Variants in ASAH2 observed in about 807,000 individuals in gnomAD.
ASAH2 encodes N-acylsphingosine amidohydrolase 2.
A neutral mutation model predicts 82.9 loss-of-function variants in ASAH2; 58 were observed. The ratio of observed to expected loss-of-function variants is 0.70; its 90% CI spans 0.57 to 0.87. The LOEUF (loss-of-function observed/expected upper bound fraction) is 0.87. ASAH2 is among the 40% of genes least tolerant of loss of function. The pLI, the probability that ASAH2 is intolerant of heterozygous loss-of-function variation, is 0.00. For missense variants in ASAH2, 779 were observed against 834.0 expected (o/e 0.93, Z 0.81); for synonymous variants, 276 against 289.7 (o/e 0.95, Z 0.48).
chr10:50,238,354 A>T (rs1846209878), intron 4 of ASAH2, among the ~76,000 whole-genome samples: 2 of 152,224 alleles, frequency 1.3e-5, no homozygotes, highest in South Asian at 4.2e-4. Flanking sequence ...TGCCTCATTA[A>T]CCTCTCCTTG....
At chr10:50,227,949 T>C (rs949466441) in intron 7 of ASAH2, among the ~76,000 whole-genome samples, 1 of 151,798 alleles carries the variant, frequency 6.6e-6, no homozygotes, top group Non-Finnish European at 1.5e-5. Context: ...AAACAGAAAG[T>C]AAAGTTAGAG....
At chr10:50,195,014 G>C (rs1589318747) in intron 18 of ASAH2, among the ~76,000 whole-genome samples, 1 of 148,856 alleles carries the variant, frequency 6.7e-6, no homozygotes, top group African/African-American at 2.5e-5. Context: ...GACCCCTAAT[G>C]CAAAAGCAAC....
chr10:50,216,902 G>A (rs1314976258), intron 8 of ASAH2, among the ~76,000 whole-genome samples: 1 of 152,218 alleles, frequency 6.6e-6, no homozygotes, highest in Non-Finnish European at 1.5e-5. Flanking sequence ...GCAGGCTAAA[G>A]TGAGAAAATA....
intron 9 of ASAH2, among the ~76,000 whole-genome samples, chr10:50,213,576 CA>C (rs1302743156): frequency 6.6e-6 from 1 of 151,976 alleles, no homozygotes; most frequent in Non-Finnish European, 1.5e-5. Flanking sequence ...TAAGTGGAAT[CA>C]AAAAATTACT....
rs891831347 is a variant in ASAH2, at chr10:50,245,376, G to T, written c.206C>A (p.Ala69Asp). The T allele has an allele frequency of 3.1e-6, 5 of 1,613,762 alleles. No individual in the cohort carries two copies. The African/African-American group carries it at 6.7e-5, about 22-fold the overall frequency. Residue 69 changes from alanine to aspartate, a missense_variant, in exon 3 of 21, where the codon GCC becomes GAC. Ala to Asp is a moderately radical substitution (Grantham distance 126). Around this residue, in one of 3 missense-constraint regions of ASAH2, gnomAD observed 759 missense variants for 755.2 expected, o/e 1.00. Coordinates refer to ENST00000682911, the MANE Select transcript of ASAH2 (RefSeq NM_019893.4). ...CTGGGTGGCTGTGGAATGCTGGGTGGCTGTGGAGCGTTGGGCAGCTGTGGA... is the reference window on the plus strand; with the variant it reads ...CTGGGTGGCTGTGGAATGCTGGGTGTCTGTGGAGCGTTGGGCAGCTGTGGA... ...QGSTAAQRST[A>D]TQHSTATQSS...
rs547512295 is a variant in ASAH2, at chr10:50,242,717, A to G, written c.510+485T>C. On this transcript the variant is annotated intron_variant, in intron 4 of 20. Coordinates refer to ENST00000682911, the MANE Select transcript of ASAH2 (RefSeq NM_019893.4). ...GTACAAAAATAATCAGAATGCTATA[A>G]TGAATCCCTATGTGCCTATTACCCA... Among the ~76,000 whole-genome samples, 4 of 152,296 alleles carry G rather than the reference A, an allele frequency of 2.6e-5. No homozygotes were observed. In the East Asian group the frequency reaches 5.8e-4, roughly 22 times the overall value.
intron 18 of ASAH2, among the ~76,000 whole-genome samples, chr10:50,194,986 T>TTTG (rs1446589706): frequency 1.4e-5 from 2 of 141,634 alleles, no homozygotes; most frequent in African/African-American, 2.5e-5. Flanking sequence ...GTAGGCGATG[T>TTTG]TTTTTTTTTT....
intron 10 of ASAH2, among the ~76,000 whole-genome samples, chr10:50,212,473 C>G (rs1451988084): frequency 1.3e-5 from 2 of 152,048 alleles, no homozygotes; most frequent in African/African-American, 4.8e-5. Context: ...GCTGGATGAT[C>G]TTTGCATATT....
In ASAH2 at chr10:50,250,789, C is replaced by T. The variant is rs116031597; in HGVS notation, c.-37+606G>A. Among the ~76,000 whole-genome samples the T allele has an allele frequency of 9.5e-4, 144 of 152,264 alleles. 1 individual carries two copies. Among genetic ancestry groups the T allele is most frequent in the African/African-American group, 3.3e-3 (139 of 41,534 alleles). On this transcript the variant is annotated intron_variant, in intron 1 of 20. Transcript: ENST00000682911. Reference sequence around the variant, plus strand: ...TACTTCTTTTTTGTTTCTAGTTTTGCGTTGGTGAGCTGATGATATTTTATG... The same window carrying T: ...TACTTCTTTTTTGTTTCTAGTTTTGTGTTGGTGAGCTGATGATATTTTATG...
intron 8 of ASAH2, 111 bp downstream of exon 8, chr10:50,218,398 GA>G: frequency 6.9e-7 from 1 of 1,448,212 alleles, no homozygotes; most frequent in South Asian, 1.1e-5. Context: ...ACCAATATGT[GA>G]GATTGATGAT....
intron 11 of ASAH2, 45 bp downstream of exon 11, chr10:50,210,985 A>G: frequency 6.2e-7 from 1 of 1,600,780 alleles, no homozygotes; most frequent in Non-Finnish European, 8.6e-7. Flanking sequence ...ATCAAACCAA[A>G]ACTTCACCCT....
rs1846147778 is a variant in ASAH2, at chr10:50,235,935, C to A, written c.640G>T (p.Gly214Ter). ...QYTVFVIASE[G>*]FSNQTFQHMV... ...TGCTGAAAAGTTTGATTGCTAAATC[C>A]TTCACTGGCAATTACAAACACGGTA... Residue 214 changes from glycine to a stop codon, truncating the protein, a stop_gained, in exon 5 of 21, where the codon GGA becomes TGA. Transcript: ENST00000682911. LOFTEE classifies it high-confidence loss of function. 4 of 1,613,382 alleles carry A rather than the reference C, an allele frequency of 2.5e-6. No homozygotes were observed. Among genetic ancestry groups the A allele is most frequent in the Non-Finnish European group, 3.4e-6 (4 of 1,179,488 alleles).
Position 50,187,114 on chromosome 10 carries a change from TCTCTCACACACA to T in ASAH2, c.*189_*200del, listed in dbSNP as rs1252833043. ...CTCTCTCTCTCTCTCTCTCTCTCTC[TCTCTCACACACA>T]CACACACACACACACACACACACAC... is the stretch of plus-strand genomic sequence containing the variant. On this transcript the variant is annotated 3_prime_UTR_variant, in exon 21 of 21. Transcript: ENST00000682911. 165 of 261,642 alleles carry T rather than the reference TCTCTCACACACA, an allele frequency of 6.3e-4. No homozygotes were observed. The highest frequency in any genetic ancestry group is 2.1e-3 in the African/African-American group (58 of 27,626). The allele number at this position is 261,642 out of a possible 1,614,324, so 16.2% of individuals were successfully genotyped here. A position where few individuals can be genotyped will look rare whatever the true frequency, so the allele number is the denominator to read the frequency against.
At chr10:50,217,226 T>C (rs1845626239) in intron 8 of ASAH2, among the ~76,000 whole-genome samples, 1 of 77,740 alleles carries the variant, frequency 1.3e-5, no homozygotes, top group Non-Finnish European at 3.6e-5. Context: ...TCTTGTTTTC[T>C]TTCTTTTTTT....
intron 10 of ASAH2, 81 bp downstream of exon 10, chr10:50,212,891 T>G (rs1845495734): frequency 5.9e-6 from 8 of 1,361,964 alleles, no homozygotes; most frequent in African/African-American, 1.4e-5. Context: ...CTTTAAGTAT[T>G]CAACTTCCTA....
At chr10:50,249,464 T>C (rs1285486267) in intron 1 of ASAH2, among the ~76,000 whole-genome samples, 1 of 152,176 alleles carries the variant, frequency 6.6e-6, no homozygotes, top group Non-Finnish European at 1.5e-5. Context: ...AAATATAATA[T>C]GGTGGTTAAA....
chr10:50,239,801 T>C (rs1846247050), intron 4 of ASAH2, among the ~76,000 whole-genome samples: 3 of 151,386 alleles, frequency 2.0e-5, no homozygotes, highest in Non-Finnish European at 4.4e-5. Context: ...GGCTTTTATG[T>C]CTATTCATCT....
intron 2 of ASAH2, 77 bp from the exon 3 acceptor site, chr10:50,245,531 A>C: frequency 7.8e-7 from 1 of 1,287,318 alleles, no homozygotes; most frequent in Non-Finnish European, 1.1e-6. Flanking sequence ...CACAATATAT[A>C]GGCTCAGGTT....
chr10:50,195,103 A>T (rs1487801188), intron 18 of ASAH2, among the ~76,000 whole-genome samples: 1 of 151,400 alleles, frequency 6.6e-6, no homozygotes, highest in African/African-American at 2.4e-5. Context: ...AAGTGAGGAG[A>T]CAACCTAAAG....
Sources: gnomAD v4.1 joint callset for allele counts (sites outside exome capture counted in the v4.1 genomes callset) on GRCh38, gnomAD v4.1.1 for gene constraint, gnomAD v4.1.1 regional missense constraint, MANE v1.5 for transcripts, NCBI Gene and HGNC (gene_info 2026-07-23, HGNC 2026-07-21) for gene names.